Variants in PREX2 observed in about 807,000 individuals in gnomAD.
The protein encoded by PREX2 is phosphatidylinositol 3,4,5-trisphosphate-dependent Rac exchanger 2 protein.
In PREX2, 107 loss-of-function variants were observed where a neutral mutation model predicts 203.2. That is an observed-to-expected ratio of 0.53 (90% CI 0.45 to 0.62). PREX2 has a LOEUF of 0.62. PREX2 is among the 20% of genes least tolerant of loss of function. The pLI, the probability that PREX2 is intolerant of heterozygous loss-of-function variation, is 0.00. For missense variants in PREX2, 1,777 were observed against 1,955.9 expected, an observed-to-expected ratio of 0.91 and a Z score of 1.72; for synonymous variants, 672 against 663.6, an observed-to-expected ratio of 1.01 and a Z score of -0.19.
chr8:68,151,193 G>A (rs1811426354), intron 34 of PREX2, among the ~76,000 whole-genome samples: 1 of 152,070 alleles, frequency 6.6e-6, no homozygotes. Flanking sequence ...GGCCAAGATG[G>A]AAGGATCACT....
At position 68,062,016 on chromosome 8, in the gene PREX2, T is replaced by A. The variant is rs538409525; in HGVS notation, c.1339+1237T>A. Among the ~76,000 whole-genome samples the A allele has an allele frequency of 2.0e-5, 3 of 152,284 alleles. No homozygotes were observed. In the South Asian group the frequency reaches 6.2e-4, roughly 32 times the overall value. On this transcript the variant is annotated intron_variant, in intron 11 of 39. Coordinates refer to ENST00000288368, the MANE Select transcript of PREX2 (RefSeq NM_024870.4). ...TATGGTATTTTGATGTTCATTTCCT[T>A]TCTTAGATACTGTGCAAACAAACCA...
chr8:68,046,699 T>A (rs1196972326), intron 8 of PREX2, among the ~76,000 whole-genome samples: 1 of 152,034 alleles, frequency 6.6e-6, no homozygotes, highest in East Asian at 1.9e-4. Flanking sequence ...ATTTATTACA[T>A]CTTGTATTAT....
chr8:67,977,448 A>T (rs1026535613), intron 1 of PREX2, among the ~76,000 whole-genome samples: 1 of 152,182 alleles, frequency 6.6e-6, no homozygotes, highest in Non-Finnish European at 1.5e-5. Context: ...CCAGTTAAAC[A>T]CACCTGTCGT....
chr8:68,119,677 C>T (rs1201717349), intron 28 of PREX2, among the ~76,000 whole-genome samples, 163 bp downstream of exon 28: 4 of 152,150 alleles, frequency 2.6e-5, no homozygotes, highest in African/African-American at 9.7e-5. Context: ...AATCAACATT[C>T]CTTCAGCCAA....
intron 1 of PREX2, among the ~76,000 whole-genome samples, chr8:67,973,055 T>A (rs1585665926): frequency 6.6e-6 from 1 of 152,166 alleles, no homozygotes; most frequent in African/African-American, 2.4e-5. Flanking sequence ...CATCCCTTGT[T>A]CAGCCACTCT....
chr8:68,106,743 A>G lies in PREX2; in HGVS notation c.2716-1366A>G, dbSNP rs146663616. Among the ~76,000 whole-genome samples the G allele has an allele frequency of 8.5e-3, 1,299 of 152,218 alleles. 25 individuals are homozygous for G. Among genetic ancestry groups the G allele is most frequent in the African/African-American group, 0.03 (1,233 of 41,528 alleles). On this transcript the variant is annotated intron_variant, in intron 23 of 39. Coordinates refer to ENST00000288368, the MANE Select transcript of PREX2 (RefSeq NM_024870.4). ...TAGATAATGACCAGTCATAGTCTTA[A>G]TTTTTATTCTTATTCATGCCAAAAT... is the stretch of plus-strand genomic sequence containing the variant.
chr8:68,036,234 G>A (rs1808027013), intron 6 of PREX2, among the ~76,000 whole-genome samples: 1 of 152,154 alleles, frequency 6.6e-6, no homozygotes. Context: ...GATTGTAGCA[G>A]CACTTTCAAT....
intron 37 of PREX2, among the ~76,000 whole-genome samples, chr8:68,197,798 A>G (rs1812428384): frequency 6.7e-6 from 1 of 148,626 alleles, no homozygotes; most frequent in South Asian, 2.1e-4. Flanking sequence ...TATTATATAT[A>G]TGCTATATAT....
intron 37 of PREX2, among the ~76,000 whole-genome samples, chr8:68,193,627 A>T (rs1812339116): frequency 6.6e-6 from 1 of 152,242 alleles, no homozygotes; most frequent in South Asian, 2.1e-4. Context: ...ATAAAAGTAC[A>T]CACACATACA....
chr8:68,066,842 C>T (rs550173936), intron 11 of PREX2, among the ~76,000 whole-genome samples: 1 of 152,132 alleles, frequency 6.6e-6, no homozygotes, highest in South Asian at 2.1e-4. Context: ...TCTTTTCTTC[C>T]AGTAGTTTTA....
At chr8:68,095,310 G>A (rs557932511) in intron 21 of PREX2, among the ~76,000 whole-genome samples, 3 of 152,076 alleles carry the variant, frequency 2.0e-5, no homozygotes, top group Non-Finnish European at 2.9e-5. Context: ...CCCCCTAATC[G>A]CATGGTTGGT....
In PREX2 at chr8:68,188,957, C is replaced by T. The variant is rs142933145; in HGVS notation, c.4347-2765C>T. ...CATACTATTACAGGTGCTAGAGATG[C>T]AGAAATGAATAAAAATAAATAAAAT... is the stretch of plus-strand genomic sequence containing the variant. On this transcript the variant is annotated intron_variant, in intron 35 of 39. Transcript: ENST00000288368. Among the ~76,000 whole-genome samples the T allele has an allele frequency of 3.4e-3, 518 of 152,184 alleles. 4 individuals are homozygous for T. Among genetic ancestry groups the T allele is most frequent in the African/African-American group, 0.012 (494 of 41,538 alleles).
intron 38 of PREX2, among the ~76,000 whole-genome samples, chr8:68,224,107 C>T (rs1013087604): frequency 1.3e-5 from 2 of 152,144 alleles, no homozygotes; most frequent in African/African-American, 2.4e-5. Context: ...CAGCCTCAAC[C>T]TCCTAGCCTC....
In PREX2 at chr8:68,073,577, A is replaced by G. The variant is rs576452756; in HGVS notation, c.1569+1007A>G. Among the ~76,000 whole-genome samples the G allele has an allele frequency of 2.0e-5, 3 of 152,298 alleles. No individual in the cohort carries two copies. The East Asian group carries it at 5.8e-4, about 29-fold the overall frequency. ...TCAAGAACACCTATTTTTATATTTC[A>G]TAGCACTTACATTTATTACATTTAG... is the stretch of plus-strand genomic sequence containing the variant. On this transcript the variant is annotated intron_variant, in intron 14 of 39. Coordinates refer to ENST00000288368, the MANE Select transcript of PREX2 (RefSeq NM_024870.4).
rs1438985274 is a variant in PREX2, at chr8:67,952,355, A to G, written c.-40A>G. The G allele has an allele frequency of 4.1e-6, 6 of 1,470,034 alleles. No individual in the cohort carries two copies. The highest frequency in any genetic ancestry group is 4.5e-6 in the Non-Finnish European group (5 of 1,114,066). 91.1% of individuals were successfully genotyped at this position (1,470,034 alleles called of 1,614,324 possible). ...GCAGCGGGCGCGCGGGTCAGCGCTC[A>G]GCACGGCGGGCAGCGCCGCGCTGCG... On this transcript the variant is annotated 5_prime_UTR_variant, in exon 1 of 40. Transcript: ENST00000288368.
chr8:68,005,603 G>A (rs1187528211), intron 1 of PREX2, among the ~76,000 whole-genome samples: 1 of 152,050 alleles, frequency 6.6e-6, no homozygotes, highest in Admixed American at 6.5e-5. Flanking sequence ...CCAATTGTTG[G>A]TGCATTTGTC....
intron 21 of PREX2, chr8:68,095,194 C>G (rs1364211847): frequency 6.6e-6 from 1 of 152,076 alleles, no homozygotes; most frequent in Non-Finnish European, 1.5e-5. Flanking sequence ...ATGGAGGTTC[C>G]ATTCCTTAGA....
At chr8:68,199,249 AAC>A (rs1275233578) in intron 37 of PREX2, among the ~76,000 whole-genome samples, 2 of 152,328 alleles carry the variant, frequency 1.3e-5, no homozygotes, top group African/African-American at 4.8e-5. Flanking sequence ...CCATTGGTAA[AAC>A]ACATAATAGT....
chr8:68,105,690 T>TATATATATATGGATATATATACAC (rs1810389385), intron 23 of PREX2: 1 of 251,500 alleles, frequency 4.0e-6, no homozygotes, highest in Non-Finnish European at 6.1e-6. Context: ...ATTATATATA[T>TATATATATATGGATATATATACAC]ATATATATAT....
Sources: allele counts gnomAD v4.1 joint callset (sites outside exome capture counted in the v4.1 genomes callset), GRCh38; gene constraint gnomAD v4.1.1; transcripts MANE v1.5; gene names NCBI Gene and HGNC (gene_info 2026-07-23, HGNC 2026-07-21).